The following ZMYND11 variants were observed in gnomAD, a reference collection of about 807,000 sequenced individuals.
ZMYND11 encodes zinc finger MYND domain-containing protein 11.
Under a neutral mutation model 84.9 loss-of-function variants are expected in ZMYND11, and 9 were observed. The ratio of observed to expected loss-of-function variants is 0.11; its 90% CI spans 0.06 to 0.18. ZMYND11 has a LOEUF of 0.18. Among genes scored for constraint, ZMYND11 ranks in the 10% least tolerant of loss-of-function variants. The pLI is 1.00. For synonymous variants in ZMYND11, 250 were observed against 244.1 expected (o/e 1.02, Z -0.23); for missense variants, 409 against 761.0 (o/e 0.54, Z 5.44).
At chr10:145,263 T>C (rs1838542616) in intron 1 of ZMYND11, among the ~76,000 whole-genome samples, 1 of 151,422 alleles carries the variant, frequency 6.6e-6, no homozygotes, top group Non-Finnish European at 1.5e-5. Flanking sequence ...TATATATGTA[T>C]ATATATATCA....
At chr10:154,882 A>G (rs1440989266) in intron 1 of ZMYND11, 3 of 152,306 alleles carry the variant, frequency 2.0e-5, no homozygotes, top group East Asian at 1.9e-4. Flanking sequence ...ACCAGGCCCA[A>G]TCCTGCTTAG....
At chr10:180,299 A>G (rs763714416) in intron 2 of ZMYND11, among the ~76,000 whole-genome samples, 171 bp downstream of exon 2, 2 of 152,218 alleles carry the variant, frequency 1.3e-5, no homozygotes, top group Non-Finnish European at 2.9e-5. Context: ...ACATACACAA[A>G]CAACTTGTGT....
intron 1 of ZMYND11, among the ~76,000 whole-genome samples, chr10:160,650 T>G (rs1447649626): frequency 1.3e-5 from 2 of 152,230 alleles, no homozygotes; most frequent in African/African-American, 4.8e-5. Flanking sequence ...TTATGGAATA[T>G]TCTGAAACCT....
chr10:248,080 A>C (rs1208167933), intron 12 of ZMYND11, among the ~76,000 whole-genome samples: 1 of 152,254 alleles, frequency 6.6e-6, no homozygotes, highest in Non-Finnish European at 1.5e-5. Context: ...AAGTAAAATT[A>C]TAAATGAAGC....
intron 3 of ZMYND11, chr10:218,422 G>A (rs973918957): frequency 1.1e-5 from 3 of 275,214 alleles, no homozygotes; most frequent in Admixed American, 1.0e-4. Flanking sequence ...GTTAAGTAGC[G>A]AGACCAAGAT....
chr10:199,282 C>CCTCCCTCCCTCA (rs1315919960), intron 2 of ZMYND11, among the ~76,000 whole-genome samples: 7 of 83,098 alleles, frequency 8.4e-5, no homozygotes, highest in African/African-American at 2.9e-4. Flanking sequence ...CCTTCCCATC[C>CCTCCCTCCCTCA]CTCCCTCCCT....
At chr10:143,270 A>C (rs1385557275) in intron 1 of ZMYND11, among the ~76,000 whole-genome samples, 4 of 152,272 alleles carry the variant, frequency 2.6e-5, no homozygotes, top group Admixed American at 2.0e-4. Context: ...GACACTCAGC[A>C]GTGATGCTGC....
intron 14 of ZMYND11, chr10:249,431 G>C (rs1258842842): frequency 3.0e-6 from 3 of 985,094 alleles, no homozygotes; most frequent in South Asian, 4.7e-5. Context: ...TTTCAGATGG[G>C]TAACATCCAA....
At chr10:194,023 T>G (rs1466509607) in intron 2 of ZMYND11, among the ~76,000 whole-genome samples, 2 of 152,130 alleles carry the variant, frequency 1.3e-5, no homozygotes, top group Non-Finnish European at 2.9e-5. Context: ...CTCACCCTGT[T>G]AACCAGGATG....
intron 4 of ZMYND11, among the ~76,000 whole-genome samples, chr10:225,843 A>G (rs1024526726): frequency 2.0e-5 from 3 of 152,300 alleles, no homozygotes; most frequent in African/African-American, 7.2e-5. Flanking sequence ...GTCTGTCATA[A>G]GAAGCCCCTG....
At chr10:230,980 C>G (rs1026206920) in intron 4 of ZMYND11, among the ~76,000 whole-genome samples, 6 of 152,116 alleles carry the variant, frequency 3.9e-5, no homozygotes, top group African/African-American at 1.4e-4. Context: ...TGCCCGTGAG[C>G]TAAGAATGAC....
At chr10:245,837 C>T (rs544560959) in intron 10 of ZMYND11, among the ~76,000 whole-genome samples, 148 of 152,306 alleles carry the variant, frequency 9.7e-4, no homozygotes, top group Middle Eastern at 3.4e-3. Context: ...AAGGCAGAGG[C>T]AGTGTAGGAA....
At chr10:143,669 T>TA (rs1837999448) in intron 1 of ZMYND11, among the ~76,000 whole-genome samples, 1 of 152,244 alleles carries the variant, frequency 6.6e-6, no homozygotes, top group Non-Finnish European at 1.5e-5. Flanking sequence ...CTACTGTACT[T>TA]ACAATTTGGC....
At chr10:211,225 A>G (rs563721131) in intron 3 of ZMYND11, among the ~76,000 whole-genome samples, 10 of 151,880 alleles carry the variant, frequency 6.6e-5, no homozygotes, top group Admixed American at 3.3e-4. Flanking sequence ...CTATCTATAG[A>G]TATCTTTTTC....
intron 1 of ZMYND11, among the ~76,000 whole-genome samples, chr10:161,505 GCAT>G (rs1163996484): frequency 6.6e-6 from 1 of 152,158 alleles, no homozygotes; most frequent in Non-Finnish European, 1.5e-5. Context: ...TTGAACCCAG[GCAT>G]CATCACCTCT....
intron 4 of ZMYND11, among the ~76,000 whole-genome samples, chr10:223,250 G>A (rs2131454489): frequency 6.6e-6 from 1 of 152,128 alleles, no homozygotes; most frequent in Middle Eastern, 3.4e-3. Context: ...GGCCAGGCTG[G>A]TTGGTCTTGA....
At chr10:232,812 A>C (rs1256414966) in intron 4 of ZMYND11, among the ~76,000 whole-genome samples, 1 of 152,214 alleles carries the variant, frequency 6.6e-6, no homozygotes, top group African/African-American at 2.4e-5. Flanking sequence ...AAACCAACCC[A>C]AATACTTAAA....
In ZMYND11 at chr10:149,093, G is replaced by A. The variant is rs540577644; in HGVS notation, c.-20+13534G>A. The stretch of plus-strand genomic sequence containing the variant: ...AAATAATAGGGAGGGAAGAGGATCC[G>A]ATGTCTGACTCATGGCAAGTAATTG... On this transcript the variant is annotated intron_variant, in intron 1 of 14. Transcript: ENST00000381604. Among the ~76,000 whole-genome samples, 75 of 152,110 alleles carry A rather than the reference G, an allele frequency of 4.9e-4. No homozygotes were observed. The South Asian group carries it at 8.9e-3, about 18-fold the overall frequency.
intron 1 of ZMYND11, among the ~76,000 whole-genome samples, chr10:170,778 AAATAAG>A: frequency 6.6e-6 from 1 of 152,276 alleles, no homozygotes; most frequent in South Asian, 2.1e-4. Context: ...TGGAAGACAG[AAATAAG>A]AATAACAAAG....
Sources: allele counts gnomAD v4.1 joint callset (sites outside exome capture counted in the v4.1 genomes callset), GRCh38; gene constraint gnomAD v4.1.1; transcripts MANE v1.5; gene names NCBI Gene and HGNC (gene_info 2026-07-23, HGNC 2026-07-21).